DNAJC6: variants seen among roughly 807,000 people sequenced by gnomAD.
DNAJC6 encodes auxilin.
In DNAJC6, 34 loss-of-function variants were observed where a neutral mutation model predicts 110.0. The observed-to-expected ratio is 0.31, with a 90% CI of 0.24 to 0.41. The LOEUF is 0.41. DNAJC6 is among the 10% of genes least tolerant of loss of function. DNAJC6 has a pLI of 1.00. For synonymous variants in DNAJC6, 406 were observed against 437.2 expected (o/e 0.93, Z 0.89); for missense variants, 1,031 against 1,207.8 (o/e 0.85, Z 2.17).
Position 65,346,662 on chromosome 1 carries a change from A to T in DNAJC6, c.194-17973A>T, listed in dbSNP as rs186231107. On this transcript the variant is annotated intron_variant, in intron 1 of 18. Coordinates refer to ENST00000371069, the MANE Select transcript of DNAJC6 (RefSeq NM_001256864.2). ...CTGCTTAGGGGAGACTGTAATACTC[A>T]TCTTTCAGTGCTGGGTAAGCCTAGC... Among the ~76,000 whole-genome samples, 73 of 152,184 alleles carry T rather than the reference A, an allele frequency of 4.8e-4. 1 individual carries two copies. Among genetic ancestry groups the T allele is most frequent in the African/African-American group, 1.7e-3 (72 of 41,518 alleles).
intron 1 of DNAJC6, among the ~76,000 whole-genome samples, chr1:65,354,801 C>T (rs1645526501): frequency 6.6e-6 from 1 of 152,102 alleles, no homozygotes; most frequent in East Asian, 1.9e-4. Context: ...TAAATAAATA[C>T]ACACAAGCAC....
chr1:65,308,337 C>T (rs921463485), upstream of DNAJC6, among the ~76,000 whole-genome samples: 5 of 152,118 alleles, frequency 3.3e-5, no homozygotes, highest in Non-Finnish European at 5.9e-5. Flanking sequence ...TCTTGACGGG[C>T]GCCTCACTTA....
rs570444944 is a variant in DNAJC6 at position 65,410,317 on chromosome 1, T to G, written c.2635-933T>G. Among the ~76,000 whole-genome samples, 13 of 152,346 alleles carry G rather than the reference T, an allele frequency of 8.5e-5. No individual in the cohort carries two copies. The South Asian group carries it at 2.5e-3, about 29-fold the overall frequency. On this transcript the variant is annotated intron_variant, in intron 17 of 18. Transcript: ENST00000371069. The stretch of plus-strand genomic sequence containing the variant: ...TACATCTAATATAACTTAGATTCTT[T>G]GATACATTTTTTAGTACAATGTAGG...
intron 1 of DNAJC6, among the ~76,000 whole-genome samples, chr1:65,281,435 CT>C (rs1187415436): frequency 6.6e-6 from 1 of 152,170 alleles, no homozygotes; most frequent in African/African-American, 2.4e-5. Flanking sequence ...CCTCCTCCCC[CT>C]AGCCCCTGGC....
At chr1:65,268,536 T>C (rs1448657720) in intron 1 of DNAJC6, among the ~76,000 whole-genome samples, 3 of 152,184 alleles carry the variant, frequency 2.0e-5, no homozygotes, top group Admixed American at 2.0e-4. Flanking sequence ...TAGGTGGTAT[T>C]TTATTCTGAA....
chr1:65,366,352 G>A (rs945929997), intron 4 of DNAJC6, among the ~76,000 whole-genome samples, 156 bp downstream of exon 4: 2 of 152,186 alleles, frequency 1.3e-5, no homozygotes, highest in Non-Finnish European at 2.9e-5. Context: ...AGGCTGCTAT[G>A]AGATATCCTA....
chr1:65,343,487 C>T (rs1250287209), intron 1 of DNAJC6, among the ~76,000 whole-genome samples: 2 of 152,036 alleles, frequency 1.3e-5, no homozygotes, highest in African/African-American at 2.4e-5. Flanking sequence ...AATCTTGCAC[C>T]GTCTTGCTTG....
intron 1 of DNAJC6, among the ~76,000 whole-genome samples, chr1:65,332,073 C>T (rs1321961267): frequency 6.6e-6 from 1 of 152,188 alleles, no homozygotes; most frequent in African/African-American, 2.4e-5. Context: ...AGTTTGCCAG[C>T]TTTGCTGTGT....
intron 18 of DNAJC6, 39 bp from the exon 19 acceptor site, chr1:65,412,885 G>A (rs764098774): frequency 6.5e-7 from 1 of 1,548,354 alleles, no homozygotes; most frequent in Admixed American, 1.9e-5. Context: ...TGAAATTTTG[G>A]TCTGTGGTAT....
intron 1 of DNAJC6, among the ~76,000 whole-genome samples, chr1:65,291,425 A>T (rs1644873899): frequency 6.6e-6 from 1 of 152,240 alleles, no homozygotes; most frequent in South Asian, 2.1e-4. Flanking sequence ...ATAATAAAAT[A>T]TTCAAGGAAA....
In DNAJC6 at chr1:65,392,414, A is replaced by T. The variant is rs753945717; in HGVS notation, c.1469-17A>T. Reference sequence around the variant, plus strand: ...TGGTCAGCAACTAATCTCTTATGGTATACTGGCCTTCCTCAGATCAGAAAT... The same window carrying T: ...TGGTCAGCAACTAATCTCTTATGGTTTACTGGCCTTCCTCAGATCAGAAAT... On this transcript the variant is annotated splice_polypyrimidine_tract_variant and intron_variant, in intron 11 of 18. Transcript: ENST00000371069. 6.4e-7 allele frequency: 1 copy of T among 1,573,456 alleles called. No individual in the cohort carries two copies. Among genetic ancestry groups the T allele is most frequent in the Non-Finnish European group, 8.6e-7 (1 of 1,159,702 alleles).
At chr1:65,402,302 C>T (rs554868365) in intron 15 of DNAJC6, among the ~76,000 whole-genome samples, 1 of 152,336 alleles carries the variant, frequency 6.6e-6, no homozygotes, top group African/African-American at 2.4e-5. Context: ...ACACCGTTCC[C>T]CTTCTCTCCA....
chr1:65,389,729 AG>A (rs1169420689), intron 11 of DNAJC6, 102 bp downstream of exon 11: 7 of 1,285,370 alleles, frequency 5.4e-6, no homozygotes, highest in Non-Finnish European at 7.8e-6. Flanking sequence ...CAGCACTTAG[AG>A]GTCATTCAAT....
intron 1 of DNAJC6, among the ~76,000 whole-genome samples, chr1:65,282,905 C>A (rs563649745): frequency 6.6e-6 from 1 of 152,322 alleles, no homozygotes; most frequent in East Asian, 1.9e-4. Flanking sequence ...TGGAACCTGG[C>A]ATACATGAGT....
At chr1:65,401,907 A>G in intron 15 of DNAJC6, 27 bp downstream of exon 15, 1 of 1,610,862 alleles carries the variant, frequency 6.2e-7, no homozygotes, top group Non-Finnish European at 8.5e-7. Flanking sequence ...TCAAGATACA[A>G]ATAACATTTA....
chr1:65,325,824 A>C (rs1186642959), intron 1 of DNAJC6, among the ~76,000 whole-genome samples: 3 of 152,232 alleles, frequency 2.0e-5, no homozygotes, highest in Admixed American at 2.0e-4. Flanking sequence ...GCTGTAGGCT[A>C]TAGCCTATTG....
chr1:65,357,266 GA>G (rs1645552541), intron 1 of DNAJC6, among the ~76,000 whole-genome samples: 1 of 152,082 alleles, frequency 6.6e-6, no homozygotes, highest in Non-Finnish European at 1.5e-5. Context: ...ACATGAATAT[GA>G]CATGATTCTA....
At chr1:65,287,702 C>A (rs1654068274) in intron 1 of DNAJC6, among the ~76,000 whole-genome samples, 1 of 152,146 alleles carries the variant, frequency 6.6e-6, no homozygotes, top group Non-Finnish European at 1.5e-5. Flanking sequence ...CTCCTGGGCT[C>A]CAGTGATCCT....
intron 4 of DNAJC6, among the ~76,000 whole-genome samples, chr1:65,367,630 C>T (rs547628571): frequency 1.3e-5 from 2 of 152,208 alleles, no homozygotes; most frequent in African/African-American, 4.8e-5. Context: ...TAATCTGGAG[C>T]ATTTTCCCTC....
Sources: allele counts gnomAD v4.1 joint callset (sites outside exome capture counted in the v4.1 genomes callset), GRCh38; gene constraint gnomAD v4.1.1; transcripts MANE v1.5; gene names NCBI Gene and HGNC (gene_info 2026-07-23, HGNC 2026-07-21).